Variants in CD6 observed in about 807,000 individuals in gnomAD.
The protein encoded by CD6 is T-cell differentiation antigen CD6.
In CD6, 53 loss-of-function variants were observed where a neutral mutation model predicts 75.3. The observed-to-expected ratio is 0.70, with a 90% confidence interval of 0.56 to 0.88. CD6 has a LOEUF of 0.88. CD6 is among the 40% of genes least tolerant of loss of function. The pLI, the probability that CD6 is intolerant of heterozygous loss-of-function variation, is 0.00. For missense variants in CD6, 770 were observed against 897.1 expected (o/e 0.86, Z 1.81); for synonymous variants, 359 against 381.5 (o/e 0.94, Z 0.69).
intron 12 of CD6, chr11:61,018,977 G>A (rs950957243): frequency 1.5e-5 from 6 of 405,340 alleles, no homozygotes; most frequent in African/African-American, 1.2e-4. Context: ...GGCTCCTTGG[G>A]GGAGACTGTG....
At chr11:60,995,842 G>C (rs1264870323) in intron 1 of CD6, among the ~76,000 whole-genome samples, 1 of 152,200 alleles carries the variant, frequency 6.6e-6, no homozygotes, top group African/African-American at 2.4e-5. Context: ...TTTGGGAAAT[G>C]AGTCCCTGGA....
chr11:61,000,707 G>A (rs1590701859), intron 1 of CD6, among the ~76,000 whole-genome samples: 1 of 152,154 alleles, frequency 6.6e-6, no homozygotes, highest in South Asian at 2.1e-4. Flanking sequence ...ATGCCCATGG[G>A]ACATCTCAGG....
At chr11:61,006,479 C>A in intron 1 of CD6, 95 bp from the exon 2 acceptor site, 1 of 1,014,218 alleles carries the variant, frequency 9.9e-7, no homozygotes, top group Non-Finnish European at 1.5e-6. Flanking sequence ...GTAGCCACCA[C>A]AGGCTCCAGG....
chr11:61,008,443 C>G (rs982246577), intron 3 of CD6, 91 bp from the exon 4 acceptor site: 3 of 1,264,824 alleles, frequency 2.4e-6, no homozygotes, highest in South Asian at 1.5e-5. Flanking sequence ...GTCCACAACA[C>G]GCTCACAACT....
intron 1 of CD6, among the ~76,000 whole-genome samples, chr11:60,988,510 G>A (rs980033523): frequency 6.6e-6 from 1 of 152,202 alleles, no homozygotes; most frequent in Non-Finnish European, 1.5e-5. Flanking sequence ...GGAGGGGGCT[G>A]TTGTTAGGAC....
At chr11:60,988,211 A>AT (rs2135057291) in intron 1 of CD6, among the ~76,000 whole-genome samples, 1 of 152,236 alleles carries the variant, frequency 6.6e-6, no homozygotes, top group East Asian at 1.9e-4. Context: ...CAGGCTCCTC[A>AT]TGGAGATGAA....
At chr11:61,010,274 G>A (rs149850399) in intron 5 of CD6, among the ~76,000 whole-genome samples, 5 of 152,270 alleles carry the variant, frequency 3.3e-5, no homozygotes, top group Non-Finnish European at 7.4e-5. Context: ...GCACTAAGTA[G>A]CTCTTATTTC....
Position 60,990,949 on chromosome 11 carries a change from G to C in CD6, c.50-15625G>C, listed in dbSNP as rs117781807. ...TCTGTTTATTTCCAGCTGATGGATG[G>C]TTAGAGTACTTCTAATTTTCTTCTG... On this transcript the variant is annotated intron_variant, in intron 1 of 12. Coordinates refer to ENST00000313421, the MANE Select transcript of CD6 (RefSeq NM_006725.5). Among the ~76,000 whole-genome samples the C allele has an allele frequency of 4.7e-3, 713 of 151,966 alleles. 4 individuals carry two copies. The highest frequency in any genetic ancestry group is 0.014 in the Middle Eastern group (4 of 294).
intron 1 of CD6, among the ~76,000 whole-genome samples, chr11:60,981,040 C>T (rs914175324): frequency 6.6e-6 from 1 of 152,190 alleles, no homozygotes; most frequent in Non-Finnish European, 1.5e-5. Context: ...CTGACCCAGA[C>T]TGGTGTGCCA....
In CD6 at chr11:60,983,624, TTTG is replaced by T. The variant is rs1197047831; in HGVS notation, c.49+11719_49+11721del. ...TCTCCTAAATACCCCAACGTGTGTTTTTGTTGTTGTTTTTTTTTTTTACATACG... is the reference window on the plus strand; with the variant it reads ...TCTCCTAAATACCCCAACGTGTGTTTTTGTTGTTTTTTTTTTTTACATACG... On this transcript the variant is annotated intron_variant, in intron 1 of 12. Transcript: ENST00000313421. 1.2e-4 allele frequency among the ~76,000 whole-genome samples: 18 copies of T among 152,128 alleles called. 1 individual carries two copies. The South Asian group carries it at 2.9e-3, about 25-fold the overall frequency.
At chr11:61,001,885 G>A (rs1858601866) in intron 1 of CD6, among the ~76,000 whole-genome samples, 1 of 152,154 alleles carries the variant, frequency 6.6e-6, no homozygotes, top group African/African-American at 2.4e-5. Context: ...CTAAGCACGG[G>A]GCCCTGTGCA....
chr11:61,009,800 T>A lies in CD6; in HGVS notation c.1010T>A (p.Leu337His). Residue 337 changes from leucine (L) to histidine (H), a missense_variant, in exon 5 of 13, where the codon CTC (leucine) becomes CAC (histidine). Coordinates refer to ENST00000313421, the MANE Select transcript of CD6 (RefSeq NM_006725.5). Reference protein sequence around the residue: ...YYSCNGEELTLSNCSWRFNNS... With the variant: ...YYSCNGEELTHSNCSWRFNNS... ...TCATGCAATGGGGAGGAGCTCACCC[T>A]CTCCAACTGCTCCTGGCGGTTCAAC... is the stretch of plus-strand genomic sequence containing the variant. 1 of 1,607,538 alleles carries A rather than the reference T, an allele frequency of 6.2e-7. No homozygotes were observed. The highest frequency in any genetic ancestry group is 8.5e-7 in the Non-Finnish European group (1 of 1,176,448).
intron 1 of CD6, among the ~76,000 whole-genome samples, chr11:60,974,168 C>T (rs1405400716): frequency 2.0e-5 from 3 of 152,144 alleles, no homozygotes; most frequent in East Asian, 1.9e-4. Context: ...TAATGAAGTG[C>T]GTGTGGAAGT....
Position 61,008,653 on chromosome 11 carries a change from G to T in CD6, c.589G>T (p.Val197Leu). 6.2e-7 allele frequency: 1 copy of T among 1,608,514 alleles called. No individual in the cohort carries two copies. The highest frequency in any genetic ancestry group is 8.5e-7 in the Non-Finnish European group (1 of 1,177,920). Residue 197 changes from valine to leucine, a missense_variant, in exon 4 of 13, where the codon GTG becomes TTG. Transcript: ENST00000313421. The part of the protein sequence containing the change: ...DDTWDLEDAH[V>L]VCRQLGCGWA... ...CACTTGGGACCTGGAGGACGCCCAC[G>T]TGGTGTGCAGGCAACTGGGCTGCGG...
At chr11:60,991,149 C>CTTTTTTTTTTTTTTTTTTTTTTTT (rs58123378) in intron 1 of CD6, among the ~76,000 whole-genome samples, 3 of 114,714 alleles carry the variant, frequency 2.6e-5, no homozygotes, top group Non-Finnish European at 5.1e-5. Context: ...CTTTTTCTTT[C>CTTTTTTTTTTTTTTTTTTTTTTTT]TTTTTTTTTT....
At chr11:61,016,006 G>C in intron 9 of CD6, among the ~76,000 whole-genome samples, 171 bp downstream of exon 9, 2 of 152,358 alleles carry the variant, frequency 1.3e-5, no homozygotes, top group South Asian at 4.1e-4. Flanking sequence ...CGTTTGCACC[G>C]TGCTTTGTGA....
At position 61,007,668 on chromosome 11, in the gene CD6, G is replaced by C. The variant is rs1292311024; in HGVS notation, c.227G>C (p.Ser76Thr). ...CCCGCGTGCGGGGCGCTCTGGGACA[G>C]CCGCGCCGCCGAGGCCGTGTGCCGA... is the stretch of plus-strand genomic sequence containing the variant. Reference protein sequence around the residue: ...WEPACGALWDSRAAEAVCRAL... With the variant: ...WEPACGALWDTRAAEAVCRAL... The change falls in exon 3 of 13, where the codon AGC becomes ACC. Residue 76 changes from serine to threonine, a missense_variant. Ser to Thr is a moderately conservative substitution (Grantham distance 58). Transcript: ENST00000313421. This position sits in a 1 kb window ranked among gnomAD's most constrained non-coding sequence, Gnocchi z 4.2. The C allele has an allele frequency of 2.1e-6, 3 of 1,427,950 alleles. No homozygotes were observed. The highest frequency in any genetic ancestry group is 9.2e-7 in the Non-Finnish European group (1 of 1,090,514). 88.5% of individuals were successfully genotyped at this position (1,427,950 alleles called of 1,614,324 possible). A position where few individuals can be genotyped will look rare whatever the true frequency, so the allele number is the denominator to read the frequency against.
intron 1 of CD6, among the ~76,000 whole-genome samples, chr11:60,974,607 C>T (rs941320924): frequency 6.6e-5 from 10 of 152,326 alleles, no homozygotes; most frequent in Admixed American, 3.9e-4. Context: ...CCAGGTGGCC[C>T]GGGTGCTGGG....
At position 61,018,371 on chromosome 11, in the gene CD6, G is replaced by C. The variant is rs147448427; in HGVS notation, c.1920G>C (p.Ser640=). 5.0e-6 allele frequency: 8 copies of C among 1,599,630 alleles called. No homozygotes were observed. Among genetic ancestry groups the C allele is most frequent in the Non-Finnish European group, 6.8e-6 (8 of 1,173,208 alleles). Residue 640 remains serine (S), a synonymous_variant, in exon 12 of 13, where the codon TCG becomes TCC. Coordinates refer to ENST00000313421, the MANE Select transcript of CD6 (RefSeq NM_006725.5). ...TCCAGCCACCACCCCAGCCCCCTTCGGAGGAGCAGTTTGGCTGTCCAGGTG... is the reference window on the plus strand; with the variant it reads ...TCCAGCCACCACCCCAGCCCCCTTCCGAGGAGCAGTTTGGCTGTCCAGGTG... ...QNFQPPPQPP[S]EEQFGCPGSP...
Sources: gnomAD v4.1 joint callset for allele counts (sites outside exome capture counted in the v4.1 genomes callset) on GRCh38, gnomAD v4.1.1 for gene constraint, Gnocchi (gnomAD v3.1) non-coding constraint, MANE v1.5 for transcripts, NCBI Gene and HGNC (gene_info 2026-07-23, HGNC 2026-07-21) for gene names.